TBC1D1: variants seen among roughly 807,000 people sequenced by gnomAD.
TBC1D1 encodes the protein TBC1 (tre-2/USP6, BUB2, cdc16) domain family, member 1.
In TBC1D1, 89 loss-of-function variants were observed where a neutral mutation model predicts 125.6. That is an observed-to-expected ratio of 0.71 (90% CI 0.60 to 0.85). The LOEUF (loss-of-function observed/expected upper bound fraction) is 0.85, where lower values mean the gene tolerates loss of function less well. TBC1D1 is among the 40% of genes least tolerant of loss of function. The pLI is 0.00. For synonymous variants in TBC1D1, 565 were observed against 564.1 expected, an observed-to-expected ratio of 1.00 and a Z score of -0.02; for missense variants, 1,377 against 1,469.2, an observed-to-expected ratio of 0.94 and a Z score of 1.03.
Position 38,137,631 on chromosome 4 carries a change from CT to C in TBC1D1, c.*301del. ...GCAACTTATGTTTTCTTGTTGGTTC[CT>C]TTTTGAGTGTCACTGTGTTTGTAAA... is the stretch of plus-strand genomic sequence containing the variant. On this transcript the variant is annotated 3_prime_UTR_variant, in exon 20 of 20. Transcript: ENST00000261439. 3.1e-6 allele frequency: 1 copy of C among 327,508 alleles called. No homozygotes were observed. The highest frequency in any genetic ancestry group is 5.5e-6 in the Non-Finnish European group (1 of 181,926). 20.3% of individuals were successfully genotyped at this position (327,508 alleles called of 1,614,324 possible).
intron 6 of TBC1D1, among the ~76,000 whole-genome samples, chr4:38,023,421 T>C (rs1390917045): frequency 6.6e-6 from 1 of 152,218 alleles, no homozygotes; most frequent in East Asian, 1.9e-4. Flanking sequence ...ATTCACATTG[T>C]TGTACAGTCC....
At chr4:37,902,567 A>G in intron 2 of TBC1D1, 55 bp downstream of exon 2, 1 of 1,366,610 alleles carries the variant, frequency 7.3e-7, no homozygotes, top group Non-Finnish European at 1.0e-6. Context: ...TTTTTATTGT[A>G]TGGGGGTCAG....
chr4:38,099,450 G>A (rs961873806), intron 14 of TBC1D1, among the ~76,000 whole-genome samples: 2 of 152,126 alleles, frequency 1.3e-5, no homozygotes, highest in South Asian at 2.1e-4. Context: ...GCATAGCCCT[G>A]GTTTATGACT....
In TBC1D1 at chr4:38,035,714, C is replaced by T. The variant is rs776658191; in HGVS notation, c.1413+16C>T. 1.9e-6 allele frequency: 3 copies of T among 1,583,386 alleles called. No homozygotes were observed. Among genetic ancestry groups the T allele is most frequent in the Admixed American group, 1.7e-5 (1 of 59,358 alleles). ...GATGAAGCAGGTATGGCATTTTTGT[C>T]TCTTGTAATTGTTGCCAAGTCTCTG... On this transcript the variant is annotated intron_variant, in intron 8 of 19. Transcript: ENST00000261439.
chr4:37,927,539 T>C (rs546113212), intron 2 of TBC1D1, among the ~76,000 whole-genome samples: 1 of 152,334 alleles, frequency 6.6e-6, no homozygotes, highest in South Asian at 2.1e-4. Flanking sequence ...GGGTTTTTGC[T>C]TTACCATGGT....
intron 2 of TBC1D1, among the ~76,000 whole-genome samples, chr4:37,931,800 G>T (rs944261616): frequency 6.6e-6 from 1 of 152,016 alleles, no homozygotes; most frequent in Non-Finnish European, 1.5e-5. Context: ...ATTCCTTTCT[G>T]TTCAAATTCA....
chr4:37,911,743 G>C (rs563562423), intron 2 of TBC1D1, among the ~76,000 whole-genome samples: 60 of 152,296 alleles, frequency 3.9e-4, no homozygotes, highest in Middle Eastern at 3.4e-3. Flanking sequence ...ACGCATGATT[G>C]TGCCCTCAAG....
chr4:38,035,018 G>A (rs1746935989), intron 7 of TBC1D1, among the ~76,000 whole-genome samples: 1 of 152,192 alleles, frequency 6.6e-6, no homozygotes, highest in Admixed American at 6.5e-5. Flanking sequence ...TTCTGGTCCA[G>A]TGTGCTGTGC....
At chr4:37,916,326 CTGTA>C (rs1334278636) in intron 2 of TBC1D1, among the ~76,000 whole-genome samples, 2 of 151,746 alleles carry the variant, frequency 1.3e-5, no homozygotes, top group East Asian at 3.9e-4. Flanking sequence ...TTCTCTCTCT[CTGTA>C]TGTGTGTGTG....
chr4:37,984,206 G>A (rs1734961762), intron 2 of TBC1D1, among the ~76,000 whole-genome samples: 1 of 152,086 alleles, frequency 6.6e-6, no homozygotes, highest in Non-Finnish European at 1.5e-5. Flanking sequence ...GCAATTATGA[G>A]TAAAGCTACT....
chr4:38,009,232 T>G (rs927365371), intron 2 of TBC1D1, among the ~76,000 whole-genome samples: 10 of 152,226 alleles, frequency 6.6e-5, no homozygotes, highest in Non-Finnish European at 1.3e-4. Context: ...AGCATTTTTT[T>G]TGTGTGAAGT....
At chr4:38,074,283 A>T (rs1363170784) in intron 12 of TBC1D1, among the ~76,000 whole-genome samples, 1 of 152,182 alleles carries the variant, frequency 6.6e-6, no homozygotes, top group Non-Finnish European at 1.5e-5. Flanking sequence ...GAGACCAAAG[A>T]CTGGGAATCA....
chr4:38,064,409 G>T (rs1036349694), intron 12 of TBC1D1, among the ~76,000 whole-genome samples: 2 of 152,188 alleles, frequency 1.3e-5, no homozygotes, highest in African/African-American at 4.8e-5. Flanking sequence ...GATGGGAAGG[G>T]TTTGGTCCTG....
rs1272593661 is a variant in TBC1D1 at position 38,052,053 on chromosome 4, C to T, written c.1911-2146C>T. The stretch of plus-strand genomic sequence containing the variant: ...TGGAGAACAAAGTGGGAATGCTGTG[C>T]CAAAGAGGTGAGCACACTCACGTGG... On this transcript the variant is annotated intron_variant, in intron 11 of 19. Transcript: ENST00000261439. 8 of 1,551,008 alleles carry T rather than the reference C, an allele frequency of 5.2e-6. No individual in the cohort carries two copies. In the South Asian group the frequency reaches 9.5e-5, roughly 18 times the overall value.
intron 11 of TBC1D1, among the ~76,000 whole-genome samples, chr4:38,053,833 G>A (rs527383704): frequency 6.6e-6 from 1 of 152,344 alleles, no homozygotes; most frequent in Non-Finnish European, 1.5e-5. Context: ...CCCATGCACA[G>A]AAGAGGGCAG....
chr4:38,126,841 C>T (rs934973383), intron 18 of TBC1D1, among the ~76,000 whole-genome samples: 2 of 152,148 alleles, frequency 1.3e-5, no homozygotes, highest in Non-Finnish European at 2.9e-5. Flanking sequence ...CAAGTCCCTC[C>T]CACCTCAAAG....
At chr4:37,933,505 C>G (rs1213130146) in intron 2 of TBC1D1, among the ~76,000 whole-genome samples, 1 of 151,558 alleles carries the variant, frequency 6.6e-6, no homozygotes, top group African/African-American at 2.4e-5. Context: ...GCTCTGGAGT[C>G]AGGCGGAGAA....
intron 18 of TBC1D1, among the ~76,000 whole-genome samples, chr4:38,130,350 A>G (rs988840271): frequency 2.6e-5 from 4 of 152,370 alleles, no homozygotes; most frequent in Admixed American, 2.6e-4. Flanking sequence ...TTTATTTTTC[A>G]AGCTTCCAAT....
At chr4:37,900,602 T>C (rs975822473) in intron 1 of TBC1D1, among the ~76,000 whole-genome samples, 3 of 151,952 alleles carry the variant, frequency 2.0e-5, no homozygotes, top group African/African-American at 7.3e-5. Flanking sequence ...CATCTGTCCA[T>C]ATGCTAGGGG....
Sources: allele counts gnomAD v4.1 joint callset (sites outside exome capture counted in the v4.1 genomes callset), GRCh38; gene constraint gnomAD v4.1.1; transcripts MANE v1.5; gene names NCBI Gene and HGNC (gene_info 2026-07-23, HGNC 2026-07-21).